The following TNFSF8 variants were observed in gnomAD, a reference collection of about 807,000 sequenced individuals.
The protein encoded by TNFSF8 is tumor necrosis factor ligand superfamily member 8.
A neutral mutation model predicts 22.0 loss-of-function variants in TNFSF8; 4 were observed. The ratio of observed to expected loss-of-function variants is 0.18; its 90% CI spans 0.09 to 0.42. The LOEUF (loss-of-function observed/expected upper bound fraction) is 0.42. Ranked by LOEUF, TNFSF8 falls within the 10% of genes least tolerant of loss-of-function variation. TNFSF8 has a pLI of 1.00. For synonymous variants in TNFSF8, 106 were observed against 112.5 expected, an observed-to-expected ratio of 0.94 and a Z score of 0.37; for missense variants, 233 against 281.8, an observed-to-expected ratio of 0.83 and a Z score of 1.24.
At chr9:114,916,887 T>C (rs899779273) in intron 2 of TNFSF8, among the ~76,000 whole-genome samples, 7 of 152,230 alleles carry the variant, frequency 4.6e-5, no homozygotes, top group Admixed American at 1.3e-4. Context: ...CATTCTACTA[T>C]GCTCCTTTTA....
intron 2 of TNFSF8, among the ~76,000 whole-genome samples, chr9:114,908,825 A>G (rs1267970281): frequency 6.6e-6 from 1 of 152,134 alleles, no homozygotes; most frequent in Admixed American, 6.5e-5. Context: ...GCAGGACACT[A>G]GAGGAGCTAT....
At chr9:114,917,775 G>A (rs1827937561) in intron 2 of TNFSF8, among the ~76,000 whole-genome samples, 1 of 152,194 alleles carries the variant, frequency 6.6e-6, no homozygotes, top group Non-Finnish European at 1.5e-5. Context: ...GTCAAGCCAA[G>A]ATTCATTCCC....
intron 1 of TNFSF8, 135 bp downstream of exon 1, chr9:114,929,974 A>C (rs1236530814): frequency 5.6e-6 from 2 of 356,758 alleles, no homozygotes; most frequent in Non-Finnish European, 4.8e-6. Context: ...ATATATATAT[A>C]TATAGAGAGA....
Position 114,930,574 on chromosome 9 carries a change from G to C in TNFSF8, c.-271C>G. On this transcript the variant is annotated 5_prime_UTR_variant, in exon 1 of 4. Transcript: ENST00000223795. ...ACAGAGAAGGTGGCTGATGTCAGAG[G>C]GCGCGTAGGAAAATGACGGTTCCCC... The C allele has an allele frequency of 3.1e-6, 1 of 322,764 alleles. No individual in the cohort carries two copies. Among genetic ancestry groups the C allele is most frequent in the Middle Eastern group, 8.4e-4 (1 of 1,188 alleles). 20.0% of individuals were successfully genotyped at this position (322,764 alleles called of 1,614,324 possible).
intron 2 of TNFSF8, among the ~76,000 whole-genome samples, chr9:114,906,882 C>T (rs1827791474): frequency 6.6e-6 from 1 of 152,050 alleles, no homozygotes; most frequent in Non-Finnish European, 1.5e-5. Context: ...CCTTGGTTTC[C>T]CCATGTGTAA....
rs1827719432 is a variant in TNFSF8, at chr9:114,901,781, A to G, written c.*2150T>C. The G allele has an allele frequency of 1.0e-6, 1 of 982,624 alleles. No homozygotes were observed. The highest frequency in any genetic ancestry group is 4.7e-5 in the South Asian group (1 of 21,226). 60.9% of individuals were successfully genotyped at this position (982,624 alleles called of 1,614,324 possible). On this transcript the variant is annotated 3_prime_UTR_variant, in exon 4 of 4. Transcript: ENST00000223795. ...CACAGAAAGAGTTAAAGAGAAATGTAGACTTTACTAAATATTTCATAGAGG... is the reference window on the plus strand; with the variant it reads ...CACAGAAAGAGTTAAAGAGAAATGTGGACTTTACTAAATATTTCATAGAGG...
At position 114,901,506 on chromosome 9, in the gene TNFSF8, T is replaced by TA; in HGVS notation, c.*2424dup. The TA allele has an allele frequency of 2.0e-6, 2 of 985,354 alleles. No homozygotes were observed. Among genetic ancestry groups the TA allele is most frequent in the Non-Finnish European group, 2.4e-6 (2 of 829,868 alleles). The allele number at this position is 985,354 out of a possible 1,614,324, so 61.0% of individuals were successfully genotyped here. A position where few individuals can be genotyped will look rare whatever the true frequency, so the allele number is the denominator to read the frequency against. Reference sequence around the variant, plus strand: ...AATGAAAATGGAATCTTTCTCGAGTTAGAATGTGAGATGGCAAAAAAATTG... The same window carrying TA: ...AATGAAAATGGAATCTTTCTCGAGTTAAGAATGTGAGATGGCAAAAAAATTG... On this transcript the variant is annotated 3_prime_UTR_variant, in exon 4 of 4. Coordinates refer to ENST00000223795, the MANE Select transcript of TNFSF8 (RefSeq NM_001244.4).
At chr9:114,917,579 T>G (rs1205491858) in intron 2 of TNFSF8, among the ~76,000 whole-genome samples, 1 of 152,188 alleles carries the variant, frequency 6.6e-6, no homozygotes, top group Non-Finnish European at 1.5e-5. Context: ...GGAAGTCTGT[T>G]TTCACAAGTC....
chr9:114,916,461 C>T (rs1487520172), intron 2 of TNFSF8, among the ~76,000 whole-genome samples: 3 of 152,052 alleles, frequency 2.0e-5, no homozygotes, highest in Non-Finnish European at 2.9e-5. Context: ...TCACTGAGAC[C>T]GTGTTCATGT....
chr9:114,909,006 A>G (rs1283550991), intron 2 of TNFSF8, among the ~76,000 whole-genome samples: 1 of 152,180 alleles, frequency 6.6e-6, no homozygotes, highest in Non-Finnish European at 1.5e-5. Flanking sequence ...TCTAATCCCC[A>G]TTTCTCAGAT....
chr9:114,893,921 A>G (rs1341208618), exon 5 of TNFSF8: 4 of 593,802 alleles, frequency 6.7e-6, no homozygotes, highest in Non-Finnish European at 8.9e-6. Flanking sequence ...AATCATGGAC[A>G]GGTCTAGATG....
In TNFSF8 at chr9:114,912,493, G is replaced by T. The variant is rs149278412; in HGVS notation, c.238+5603C>A. ...CAATCTCCGCCTCTGGGGTTCAAGC[G>T]ATTCTCCTGCCTCAGCCTCTTGAGT... On this transcript the variant is annotated intron_variant, in intron 2 of 3. Transcript: ENST00000223795. Among the ~76,000 whole-genome samples, 1,396 of 152,332 alleles carry T rather than the reference G, an allele frequency of 9.2e-3. 18 individuals are homozygous for T. The highest frequency in any genetic ancestry group is 0.031 in the African/African-American group (1,305 of 41,580).
At chr9:114,912,025 C>T (rs1014213037) in intron 2 of TNFSF8, among the ~76,000 whole-genome samples, 2 of 152,158 alleles carry the variant, frequency 1.3e-5, no homozygotes, top group East Asian at 1.9e-4. Context: ...AGTATGGCAG[C>T]AATTTTAGAA....
At position 114,896,004 on chromosome 9, in the gene TNFSF8, G is replaced by A. The variant is rs184440723; in HGVS notation, c.410-1840C>T. ...GATCATTACAAATGAATACCATCAC[G>A]TTGACTTGATGGTTTTGTAGTGTTT... On this transcript the variant is annotated intron_variant, in intron 4 of 4. Transcript: ENST00000618336. Among the ~76,000 whole-genome samples the A allele has an allele frequency of 1.5e-4, 23 of 152,334 alleles. No homozygotes were observed. The East Asian group carries it at 2.7e-3, about 18-fold the overall frequency.
chr9:114,930,058 C>T (rs745799964), intron 1 of TNFSF8, 51 bp downstream of exon 1: 1 of 1,386,834 alleles, frequency 7.2e-7, no homozygotes, highest in Non-Finnish European at 9.5e-7. Flanking sequence ...AGGGCTCTTT[C>T]TCTCGGGAAA....
At chr9:114,894,991 C>T (rs973540336) in intron 4 of TNFSF8, among the ~76,000 whole-genome samples, 1 of 152,166 alleles carries the variant, frequency 6.6e-6, no homozygotes, top group Admixed American at 6.5e-5. Context: ...TAAAATGAGA[C>T]TCATTGTGAG....
intron 1 of TNFSF8, 43 bp from the exon 2 acceptor site, chr9:114,918,181 C>A: frequency 1.9e-6 from 3 of 1,561,144 alleles, no homozygotes; most frequent in Non-Finnish European, 2.6e-6. Flanking sequence ...GTGTGACATT[C>A]AGTTGAAACA....
At chr9:114,916,552 T>A (rs139666653) in intron 2 of TNFSF8, among the ~76,000 whole-genome samples, 3 of 152,234 alleles carry the variant, frequency 2.0e-5, no homozygotes, top group East Asian at 3.9e-4. Context: ...GGTGGAACAG[T>A]GGGAGTGGGG....
intron 4 of TNFSF8, among the ~76,000 whole-genome samples, chr9:114,894,681 G>T (rs546995671): frequency 6.6e-6 from 1 of 152,158 alleles, no homozygotes; most frequent in African/African-American, 2.4e-5. Flanking sequence ...GTATTTGAAG[G>T]CTTCCATGTG....
Sources: gnomAD v4.1 joint callset for allele counts (sites outside exome capture counted in the v4.1 genomes callset) on GRCh38, gnomAD v4.1.1 for gene constraint, MANE v1.5 for transcripts, NCBI Gene and HGNC (gene_info 2026-07-23, HGNC 2026-07-21) for gene names.